SMC1B: variants seen among roughly 807,000 people sequenced by gnomAD.
SMC1B encodes structural maintenance of chromosomes 1B, also known as structural maintenance of chromosomes protein 1B.
A neutral mutation model predicts 157.9 loss-of-function variants in SMC1B; 60 were observed. That is an observed-to-expected ratio of 0.38 (90% CI 0.31 to 0.47). The LOEUF (loss-of-function observed/expected upper bound fraction) is 0.47, where lower values mean the gene tolerates loss of function less well. Ranked by LOEUF, SMC1B falls within the 20% of genes least tolerant of loss-of-function variation. The pLI is 0.99. For synonymous variants in SMC1B, 445 were observed against 483.0 expected (o/e 0.92, Z 1.03); for missense variants, 1,165 against 1,426.2 (o/e 0.82, Z 2.95).
chr22:45,411,858 A>G (rs1430233695), intron 1 of SMC1B, among the ~76,000 whole-genome samples: 1 of 150,520 alleles, frequency 6.6e-6, no homozygotes, highest in Non-Finnish European at 1.5e-5. Context: ...TGATGGAATT[A>G]CAGGTGTGGG....
At chr22:45,375,075 G>A (rs2086871639) in intron 12 of SMC1B, among the ~76,000 whole-genome samples, 1 of 152,206 alleles carries the variant, frequency 6.6e-6, no homozygotes, top group African/African-American at 2.4e-5. Context: ...GAAAAGTCAA[G>A]CTGGGAACTG....
At chr22:45,396,628 C>A in intron 6 of SMC1B, 142 bp from the exon 7 acceptor site, 2 of 492,224 alleles carry the variant, frequency 4.1e-6, no homozygotes, top group East Asian at 7.1e-5. Flanking sequence ...CGACCACCTT[C>A]CCCCGGTAAA....
intron 18 of SMC1B, 66 bp downstream of exon 18, chr22:45,359,739 T>A: frequency 6.6e-7 from 1 of 1,521,796 alleles, no homozygotes; most frequent in East Asian, 2.3e-5. Context: ...AGAGAAAGAA[T>A]AAGCAAAGGG....
chr22:45,398,192 A>G (rs1258217044), intron 6 of SMC1B, among the ~76,000 whole-genome samples: 1 of 152,192 alleles, frequency 6.6e-6, no homozygotes, highest in East Asian at 1.9e-4. Context: ...TGGGGTCAGG[A>G]GCACCCTTGC....
intron 22 of SMC1B, 104 bp downstream of exon 22, chr22:45,352,347 C>T: frequency 9.5e-7 from 1 of 1,056,180 alleles, no homozygotes; most frequent in Non-Finnish European, 1.3e-6. Flanking sequence ...TTTTGTATCT[C>T]ATTTGCTAAA....
chr22:45,345,019 GTTCA>G (rs1407483301), intron 24 of SMC1B, among the ~76,000 whole-genome samples: 1 of 152,128 alleles, frequency 6.6e-6, no homozygotes, highest in Non-Finnish European at 1.5e-5. Context: ...AGAAAGGTGT[GTTCA>G]CATTTTAGAA....
Position 45,354,018 on chromosome 22 carries a change from T to A in SMC1B, c.3233A>T (p.Asp1078Val), listed in dbSNP as rs777520759. The A allele has an allele frequency of 6.3e-7, 1 of 1,596,540 alleles. No homozygotes were observed. Among genetic ancestry groups the A allele is most frequent in the South Asian group, 1.1e-5 (1 of 87,250 alleles). The change falls in exon 21 of 25, where the codon GAT becomes GTT. Residue 1078 changes from aspartate to valine, a missense_variant. By Grantham distance (152) the Asp-to-Val change is radical. Transcript: ENST00000357450. The part of the protein sequence containing the change: ...QCFEHVSISI[D>V]QIYKKLCRNN... ...TCTGCAGAGCTTCTTGTAGATTTGA[T>A]CAATTGAGATTGAGACATGCTCAAA...
Position 45,359,793 on chromosome 22 carries a change from T to C in SMC1B, c.2862+12A>G, listed in dbSNP as rs1245177598. The C allele has an allele frequency of 6.2e-7, 1 of 1,609,826 alleles. No homozygotes were observed. Among genetic ancestry groups the C allele is most frequent in the South Asian group, 1.1e-5 (1 of 90,560 alleles). On this transcript the variant is annotated intron_variant, in intron 18 of 24. Coordinates refer to ENST00000357450, the MANE Select transcript of SMC1B (RefSeq NM_148674.5). ...ACAACGGCACATATTTTACAGTCATTTGCTAGAATACCTCCACTTCAATGA... is the reference window on the plus strand; with the variant it reads ...ACAACGGCACATATTTTACAGTCATCTGCTAGAATACCTCCACTTCAATGA...
chr22:45,370,589 T>C (rs1419091129), intron 14 of SMC1B, among the ~76,000 whole-genome samples: 2 of 152,214 alleles, frequency 1.3e-5, no homozygotes, highest in Admixed American at 6.5e-5. Flanking sequence ...GAACAGGACA[T>C]TTTTAAAAAC....
chr22:45,371,489 A>C lies in SMC1B; in HGVS notation c.2295T>G (p.Phe765Leu). 1 of 1,595,944 alleles carries C rather than the reference A, an allele frequency of 6.3e-7. No homozygotes were observed. The highest frequency in any genetic ancestry group is 8.5e-7 in the Non-Finnish European group (1 of 1,173,082). ...TCATGACCTTATCTATCTTTTCTTG[A>C]AATTCTTTAATTCTTCGTTGTCGTT... ...IKERQRRIKE[F>L]QEKIDKVEDD... Residue 765 changes from phenylalanine (F) to leucine (L), a missense_variant, in exon 14 of 25, where the codon TTT becomes TTG. Phe to Leu is a conservative substitution (Grantham distance 22). Transcript: ENST00000357450.
chr22:45,368,367 G>A (rs1473959758), intron 15 of SMC1B, among the ~76,000 whole-genome samples: 1 of 151,644 alleles, frequency 6.6e-6, no homozygotes, highest in Non-Finnish European at 1.5e-5. Context: ...TTGTACTGCT[G>A]ATTTGTATTT....
chr22:45,408,420 C>T (rs992642968), intron 2 of SMC1B, among the ~76,000 whole-genome samples: 9 of 152,268 alleles, frequency 5.9e-5, no homozygotes, highest in Middle Eastern at 3.4e-3. Context: ...CCACCATACC[C>T]GACCCTCCCT....
chr22:45,381,075 C>T (rs1039206378), intron 12 of SMC1B, among the ~76,000 whole-genome samples: 22 of 151,630 alleles, frequency 1.5e-4, no homozygotes, highest in Non-Finnish European at 2.2e-4. Context: ...GGATTACAGG[C>T]GTGAGCTACC....
At position 45,353,907 on chromosome 22, in the gene SMC1B, AAAAAAAAAAAAAAC is replaced by A. The variant is rs1370198734; in HGVS notation, c.3273+57_3273+70del. ...TTATTTCCCACCAAAAAAAAAAAAA[AAAAAAAAAAAAAAC>A]AACCACCACCGGTAACACAGAATTC... On this transcript the variant is annotated intron_variant, in intron 21 of 24. Coordinates refer to ENST00000357450, the MANE Select transcript of SMC1B (RefSeq NM_148674.5). 1.1e-3 allele frequency: 705 copies of A among 660,966 alleles called. 5 individuals carry two copies. The East Asian group carries it at 0.015, about 14-fold the overall frequency. 40.9% of individuals were successfully genotyped at this position (660,966 alleles called of 1,614,324 possible).
intron 4 of SMC1B, among the ~76,000 whole-genome samples, chr22:45,403,014 T>C (rs1157316200): frequency 6.6e-6 from 1 of 152,234 alleles, no homozygotes; most frequent in Non-Finnish European, 1.5e-5. Flanking sequence ...ACAGGACTCT[T>C]ACAGTGCTAA....
intron 12 of SMC1B, among the ~76,000 whole-genome samples, chr22:45,378,685 C>T (rs1227811741): frequency 2.0e-5 from 3 of 152,112 alleles, no homozygotes; most frequent in Non-Finnish European, 4.4e-5. Flanking sequence ...ACCTTTCCTT[C>T]TAAGAGTGAT....
rs773793337 is a variant in SMC1B, at chr22:45,386,912, C to T, written c.1866G>A (p.Met622Ile). 6 of 1,613,962 alleles carry T rather than the reference C, an allele frequency of 3.7e-6. No individual in the cohort carries two copies. In the East Asian group the frequency reaches 1.3e-4, roughly 36 times the overall value. ...TGAGTGCAATATGCCTTGCTTCTTC[C>T]ATAGTCTCACAAACAAGACCATTTC... The part of the protein sequence containing the change: ...VCGNGLVCET[M>I]EEARHIALSG... The change falls in exon 11 of 25, where the codon ATG (methionine) becomes ATA (isoleucine). Residue 622 changes from methionine (M) to isoleucine (I), a missense_variant. Physicochemically the swap from Met to Ile is conservative, Grantham distance 10. Coordinates refer to ENST00000357450, the MANE Select transcript of SMC1B (RefSeq NM_148674.5).
Position 45,354,101 on chromosome 22 carries a change from C to T in SMC1B, c.3150G>A (p.Leu1050=), listed in dbSNP as rs767303703. The change falls in exon 21 of 25, where the codon CTG becomes CTA. Residue 1050 remains leucine, a synonymous_variant. Coordinates refer to ENST00000357450, the MANE Select transcript of SMC1B (RefSeq NM_148674.5). ...TCACTTGCTCGAACTCTTGCCTACA[C>T]AGTCTGGCTTCCTTTCTGCTGGCCT... ...AFEASRKEAR[L]CRQEFEQVKK... 7.5e-6 allele frequency: 12 copies of T among 1,593,426 alleles called. No individual in the cohort carries two copies. The highest frequency in any genetic ancestry group is 1.7e-4 in the Middle Eastern group (1 of 6,016).
Position 45,372,242 on chromosome 22 carries a change from G to A in SMC1B, c.2109C>T (p.Thr703=), listed in dbSNP as rs370544327. The A allele has an allele frequency of 1.2e-4, 201 of 1,610,334 alleles. No homozygotes were observed. Among genetic ancestry groups the A allele is most frequent in the Middle Eastern group, 1.7e-4 (1 of 6,010 alleles). The part of the protein sequence containing the change: ...RKETDLKQIQ[T]LIQGTQTRLK... ...GTCGTGTTTGAGTTCCCTGTATCAG[G>A]GTCTGTATTTGTTTCAAATCTGTTT... The change falls in exon 13 of 25, where the codon ACC becomes ACT. Residue 703 remains threonine (T), a synonymous_variant. Coordinates refer to ENST00000357450, the MANE Select transcript of SMC1B (RefSeq NM_148674.5).
Sources: gnomAD v4.1 joint callset for allele counts (sites outside exome capture counted in the v4.1 genomes callset) on GRCh38, gnomAD v4.1.1 for gene constraint, MANE v1.5 for transcripts, NCBI Gene and HGNC (gene_info 2026-07-23, HGNC 2026-07-21) for gene names.